The following TSPAN18 variants were observed in gnomAD, a reference collection of about 807,000 sequenced individuals.
TSPAN18 encodes the protein tetraspanin-18.
TSPAN18 carries 14 observed loss-of-function variants against 27.3 expected under a neutral mutation model. The ratio of observed to expected loss-of-function variants is 0.51; its 90% CI spans 0.34 to 0.80. The LOEUF (loss-of-function observed/expected upper bound fraction) is 0.80, where lower values mean the gene tolerates loss of function less well. TSPAN18 is among the 30% of genes least tolerant of loss of function. TSPAN18 has a pLI of 0.01. For synonymous variants in TSPAN18, 143 were observed against 136.5 expected (o/e 1.05, Z -0.33); for missense variants, 268 against 323.9 (o/e 0.83, Z 1.32).
chr11:44,890,742 C>CAAA (rs60185116), intron 3 of TSPAN18, among the ~76,000 whole-genome samples: 9,197 of 80,188 alleles, frequency 0.11, 473 homozygotes, highest in Non-Finnish European at 0.18. Flanking sequence ...GACTCCAACT[C>CAAA]AAAAAAAAAA....
intron 5 of TSPAN18, among the ~76,000 whole-genome samples, chr11:44,911,756 A>G (rs1859723800): frequency 6.6e-6 from 1 of 152,022 alleles, no homozygotes; most frequent in Non-Finnish European, 1.5e-5. Flanking sequence ...TCCTCCAGTA[A>G]GTGGCTGCCT....
chr11:44,909,938 G>A (rs1158021946), intron 5 of TSPAN18, 39 bp downstream of exon 5: 4 of 1,573,772 alleles, frequency 2.5e-6, no homozygotes, highest in Non-Finnish European at 3.5e-6. Context: ...TGGGTGCTCT[G>A]AGGGGTGTCA....
chr11:44,778,361 C>T (rs2134940827), intron 2 of TSPAN18, among the ~76,000 whole-genome samples: 1 of 152,200 alleles, frequency 6.6e-6, no homozygotes, highest in South Asian at 2.1e-4. Context: ...TGGTCTGTCA[C>T]TCCTCCCTCT....
At chr11:44,861,149 T>C (rs7111148) in intron 3 of TSPAN18, among the ~76,000 whole-genome samples, 134,627 of 151,948 alleles carry the variant, frequency 0.89, 59,712 homozygotes, top group Admixed American at 0.91. Flanking sequence ...CAGTCCTCGG[T>C]AGCCACTCTC....
chr11:44,766,898 C>T (rs965803322), intron 2 of TSPAN18, among the ~76,000 whole-genome samples: 1 of 152,166 alleles, frequency 6.6e-6, no homozygotes, highest in African/African-American at 2.4e-5. Flanking sequence ...TCAGTTTTCT[C>T]ATCTGTAAGA....
chr11:44,928,603 T>G (rs764271121), intron 9 of TSPAN18, among the ~76,000 whole-genome samples: 7 of 152,150 alleles, frequency 4.6e-5, no homozygotes, highest in Non-Finnish European at 7.4e-5. Context: ...CTGGCCAACA[T>G]GGTGAAACCC....
At position 44,737,076 on chromosome 11, in the gene TSPAN18, A is replaced by G. The variant is rs180794401; in HGVS notation, c.-240+9789A>G. Among the ~76,000 whole-genome samples, 544 of 152,354 alleles carry G rather than the reference A, an allele frequency of 3.6e-3. 3 individuals are homozygous for G. The highest frequency in any genetic ancestry group is 0.012 in the African/African-American group (494 of 41,580). On this transcript the variant is annotated intron_variant, in intron 1 of 9. Transcript: ENST00000520358. The stretch of plus-strand genomic sequence containing the variant: ...TGCTGAATGAATGAGGAAATGGATG[A>G]TTGAATGGGTAGATTCTTAGCTATA...
chr11:44,864,084 C>T lies in TSPAN18; in HGVS notation c.-11+3615C>T, dbSNP rs535082512. 4.0e-5 allele frequency among the ~76,000 whole-genome samples: 6 copies of T among 151,806 alleles called. No individual in the cohort carries two copies. The South Asian group carries it at 6.3e-4, about 16-fold the overall frequency. On this transcript the variant is annotated intron_variant, in intron 3 of 9. Transcript: ENST00000520358. ...CGGGCGGATCTCAAGGTCAGGAGTT[C>T]GAGAGCAGCCTGGCCAACATAGTGA...
chr11:44,823,163 C>G (rs1288899912), intron 2 of TSPAN18, among the ~76,000 whole-genome samples: 2 of 152,234 alleles, frequency 1.3e-5, no homozygotes, highest in South Asian at 2.1e-4. Context: ...AACGCCCCCC[C>G]ACTGCCCAGG....
intron 9 of TSPAN18, among the ~76,000 whole-genome samples, chr11:44,928,145 A>T (rs552276357): frequency 9.3e-4 from 142 of 152,280 alleles, no homozygotes; most frequent in Non-Finnish European, 1.8e-3. Context: ...GAACATCAGC[A>T]AATCTGGTCA....
chr11:44,789,337 C>A (rs1037191944), intron 2 of TSPAN18, among the ~76,000 whole-genome samples: 1 of 152,176 alleles, frequency 6.6e-6, no homozygotes, highest in Non-Finnish European at 1.5e-5. Flanking sequence ...ATTAAATTAT[C>A]CAATTTGGAG....
At chr11:44,854,377 G>C (rs1241718209) in intron 2 of TSPAN18, among the ~76,000 whole-genome samples, 1 of 152,180 alleles carries the variant, frequency 6.6e-6, no homozygotes, top group Non-Finnish European at 1.5e-5. Context: ...TCTCAGAACA[G>C]AACATGAGGC....
At chr11:44,905,417 C>G (rs1403625261) in intron 3 of TSPAN18, among the ~76,000 whole-genome samples, 2 of 152,206 alleles carry the variant, frequency 1.3e-5, no homozygotes, top group Non-Finnish European at 2.9e-5. Context: ...CTTCCCCTTA[C>G]TAGCTGTGGG....
At chr11:44,835,757 AATCT>A (rs1383759739) in intron 2 of TSPAN18, among the ~76,000 whole-genome samples, 2 of 152,216 alleles carry the variant, frequency 1.3e-5, no homozygotes, top group Non-Finnish European at 2.9e-5. Flanking sequence ...GCATAGAGCA[AATCT>A]ATCAGCACCA....
intron 3 of TSPAN18, among the ~76,000 whole-genome samples, chr11:44,869,352 C>T (rs984386997): frequency 6.6e-6 from 1 of 152,142 alleles, no homozygotes. Context: ...TGCTGTGTGA[C>T]CTCAGACAAG....
intron 3 of TSPAN18, among the ~76,000 whole-genome samples, chr11:44,894,944 C>G (rs1023313195): frequency 6.6e-6 from 1 of 152,152 alleles, no homozygotes; most frequent in Non-Finnish European, 1.5e-5. Context: ...TAAATCATAG[C>G]CATGTTTTGC....
intron 2 of TSPAN18, among the ~76,000 whole-genome samples, chr11:44,807,457 G>C (rs1383887945): frequency 6.7e-6 from 1 of 148,442 alleles, no homozygotes; most frequent in Non-Finnish European, 1.5e-5. Context: ...GAATCCGGGA[G>C]GCGGAGGTTA....
At chr11:44,804,342 C>T (rs546428202) in intron 2 of TSPAN18, among the ~76,000 whole-genome samples, 137 of 152,342 alleles carry the variant, frequency 9.0e-4, no homozygotes, top group African/African-American at 3.1e-3. Context: ...CTGCCCACCT[C>T]GGCCTCCCAA....
intron 2 of TSPAN18, among the ~76,000 whole-genome samples, chr11:44,796,262 G>A (rs1856347155): frequency 2.0e-5 from 3 of 152,164 alleles, no homozygotes; most frequent in South Asian, 2.1e-4. Context: ...ACTGGCAAGC[G>A]ACCTGAGGTG....
Sources: gnomAD v4.1 joint callset for allele counts (sites outside exome capture counted in the v4.1 genomes callset) on GRCh38, gnomAD v4.1.1 for gene constraint, MANE v1.5 for transcripts, NCBI Gene and HGNC (gene_info 2026-07-23, HGNC 2026-07-21) for gene names.